The following LYRM4 variants were observed in gnomAD, a reference collection of about 807,000 sequenced individuals.
The protein encoded by LYRM4 is LYR motif-containing protein 4.
Under a neutral mutation model 11.7 loss-of-function variants are expected in LYRM4, and 9 were observed. That is an observed-to-expected ratio of 0.77 (90% CI 0.46 to 1.34). The LOEUF (loss-of-function observed/expected upper bound fraction) is 1.34, where lower values mean the gene tolerates loss of function less well. Ranked by LOEUF, LYRM4 falls within the 40% of genes most tolerant of loss-of-function variation. LYRM4 has a pLI of 0.00. For synonymous variants in LYRM4, 42 were observed against 40.4 expected, an observed-to-expected ratio of 1.04 and a Z score of -0.15; for missense variants, 133 against 112.5, an observed-to-expected ratio of 1.18 and a Z score of -0.82.
At chr6:5,086,622 C>T in the LYRM4 span, 5 of 1,332,466 alleles carry the variant, frequency 3.8e-6, no homozygotes, top group East Asian at 2.5e-5. Flanking sequence ...GCTCGGGCTG[C>T]CGCCTCAAGG....
chr6:5,170,154 G>A (rs1278519800), intron 2 of LYRM4, among the ~76,000 whole-genome samples: 5 of 152,214 alleles, frequency 3.3e-5, no homozygotes, highest in Non-Finnish European at 2.9e-5. Context: ...ATGCCAAAGG[G>A]TTTTGGATCT....
At chr6:5,232,228 C>T (rs948123433) in intron 1 of LYRM4, among the ~76,000 whole-genome samples, 1 of 152,228 alleles carries the variant, frequency 6.6e-6, no homozygotes, top group African/African-American at 2.4e-5. Context: ...ATTATCACAT[C>T]TCTCCCTTCA....
intron 1 of LYRM4, among the ~76,000 whole-genome samples, chr6:5,260,374 T>C (rs1764964105): frequency 6.6e-6 from 1 of 152,232 alleles, no homozygotes; most frequent in African/African-American, 2.4e-5. Context: ...ACACTAATCA[T>C]GCTCCTAGAA....
intron 2 of LYRM4, among the ~76,000 whole-genome samples, chr6:5,200,396 C>T (rs181991963): frequency 2.0e-5 from 3 of 152,264 alleles, no homozygotes; most frequent in South Asian, 4.1e-4. Flanking sequence ...GATATCAGCT[C>T]GAACCCCAAA....
rs6905673 is a variant in LYRM4 at position 5,155,483 on chromosome 6, C to T, written c.208-45992G>A. ...TCCTCAGCCACTGAGATCATATACACAGAAGGAAATTACTGATGCTGGTAC... is the reference window on the plus strand; with the variant it reads ...TCCTCAGCCACTGAGATCATATACATAGAAGGAAATTACTGATGCTGGTAC... On this transcript the variant is annotated intron_variant, in intron 2 of 2. Transcript: ENST00000330636. Among the ~76,000 whole-genome samples the T allele has an allele frequency of 6.1e-3, 936 of 152,326 alleles. 9 individuals carry two copies. The highest frequency in any genetic ancestry group is 0.021 in the African/African-American group (871 of 41,556).
chr6:5,065,945 C>A, the LYRM4 span: 1 of 240,212 alleles, frequency 4.2e-6, no homozygotes, highest in South Asian at 7.3e-5. Flanking sequence ...ATATCCATTG[C>A]ACCAAGTGGA....
chr6:5,201,962 T>C (rs1012685429), intron 2 of LYRM4, among the ~76,000 whole-genome samples: 1 of 152,142 alleles, frequency 6.6e-6, no homozygotes, highest in Non-Finnish European at 1.5e-5. Flanking sequence ...TGAGCCTCAG[T>C]TTCCTCATCT....
rs772913198 is a variant in LYRM4 at position 5,256,029 on chromosome 6, G to C, written c.86+4619C>G. Reference sequence around the variant, plus strand: ...TGTATTAACTCACCACAGTGGTGCCGACTACAGCCCCCATTAACAAAGAAT... The same window carrying C: ...TGTATTAACTCACCACAGTGGTGCCCACTACAGCCCCCATTAACAAAGAAT... On this transcript the variant is annotated intron_variant, in intron 1 of 2. Transcript: ENST00000330636. Among the ~76,000 whole-genome samples the C allele has an allele frequency of 3.3e-5, 5 of 151,510 alleles. No homozygotes were observed. In the East Asian group the frequency reaches 9.9e-4, roughly 30 times the overall value.
intron 2 of LYRM4, among the ~76,000 whole-genome samples, chr6:5,160,405 G>C (rs868836480): frequency 2.6e-5 from 4 of 152,092 alleles, no homozygotes; most frequent in African/African-American, 9.7e-5. Context: ...GAATTCCCAC[G>C]TGTGGTGGGA....
intron 2 of LYRM4, among the ~76,000 whole-genome samples, chr6:5,197,660 T>A (rs1245085536): frequency 6.6e-6 from 1 of 151,902 alleles, no homozygotes; most frequent in Non-Finnish European, 1.5e-5. Context: ...GGTGACAGAG[T>A]GAGACGCTGC....
At chr6:5,148,520 T>TCAGA (rs1561830571) in intron 2 of LYRM4, among the ~76,000 whole-genome samples, 2 of 7,398 alleles carry the variant, frequency 2.7e-4, no homozygotes, top group African/African-American at 4.9e-4. Context: ...CTGGGCTGGG[T>TCAGA]ATACGCCTTG....
the LYRM4 span, chr6:5,066,825 G>T: frequency 2.6e-6 from 2 of 778,236 alleles, no homozygotes; most frequent in East Asian, 5.0e-5. Flanking sequence ...ATCCGGATCC[G>T]GCCACAGCTG....
At chr6:5,253,061 A>C (rs1764507165) in intron 1 of LYRM4, among the ~76,000 whole-genome samples, 1 of 152,192 alleles carries the variant, frequency 6.6e-6, no homozygotes, top group South Asian at 2.1e-4. Context: ...CTTCTTTAGG[A>C]GCTTGTAATG....
At chr6:5,047,145 A>T in the LYRM4 span, among the ~76,000 whole-genome samples, 2 of 152,142 alleles carry the variant, frequency 1.3e-5, no homozygotes, top group Admixed American at 1.3e-4. Context: ...GGATTACACA[A>T]AGTCACAGAT....
intron 2 of LYRM4, chr6:5,136,306 A>ATCAG: frequency 1.0e-6 from 1 of 985,444 alleles, no homozygotes; most frequent in Non-Finnish European, 1.2e-6. Flanking sequence ...TTAAAACCAA[A>ATCAG]TCAGTATTCT....
the LYRM4 span, among the ~76,000 whole-genome samples, chr6:5,098,609 C>T: frequency 2.0e-5 from 3 of 152,048 alleles, no homozygotes; most frequent in Non-Finnish European, 4.4e-5. Flanking sequence ...TTGACGGTGG[C>T]ATTATCTGTC....
At chr6:5,234,183 G>A (rs921998075) in intron 1 of LYRM4, among the ~76,000 whole-genome samples, 8 of 152,192 alleles carry the variant, frequency 5.3e-5, no homozygotes, top group African/African-American at 1.9e-4. Context: ...ATTTAGAACT[G>A]CTTTACATTT....
chr6:5,056,188 A>G, the LYRM4 span, among the ~76,000 whole-genome samples: 1 of 152,118 alleles, frequency 6.6e-6, no homozygotes, highest in Admixed American at 6.5e-5. Context: ...AATCTTTTTA[A>G]TGATTGGCTT....
At chr6:5,060,236 T>C in the LYRM4 span, among the ~76,000 whole-genome samples, 1 of 152,244 alleles carries the variant, frequency 6.6e-6, no homozygotes, top group African/African-American at 2.4e-5. Flanking sequence ...TAGATATTAT[T>C]TTATTGCCCT....
Sources: gnomAD v4.1 joint callset for allele counts (sites outside exome capture counted in the v4.1 genomes callset) on GRCh38, gnomAD v4.1.1 for gene constraint, MANE v1.5 for transcripts, NCBI Gene and HGNC (gene_info 2026-07-23, HGNC 2026-07-21) for gene names.